Variants in PTP4A3 observed in about 807,000 individuals in gnomAD.
PTP4A3 encodes protein tyrosine phosphatase 4A3, also known as protein tyrosine phosphatase type IVA 3.
In PTP4A3, 9 loss-of-function variants were observed where a neutral mutation model predicts 15.2. That is an observed-to-expected ratio of 0.59 (90% CI 0.36 to 1.03). The LOEUF (loss-of-function observed/expected upper bound fraction) is 1.03. PTP4A3 is among the 50% of genes least tolerant of loss of function. The pLI, the probability that PTP4A3 is intolerant of heterozygous loss-of-function variation, is 0.02. For synonymous variants in PTP4A3, 95 were observed against 102.0 expected, an observed-to-expected ratio of 0.93 and a Z score of 0.41; for missense variants, 234 against 252.1, an observed-to-expected ratio of 0.93 and a Z score of 0.49.
intron 1 of PTP4A3, among the ~76,000 whole-genome samples, chr8:141,404,419 T>G (rs1178471086): frequency 6.6e-6 from 1 of 152,202 alleles, no homozygotes; most frequent in Non-Finnish European, 1.5e-5. Context: ...CCCCAGCAGC[T>G]GAGGGCCTCT....
chr8:141,427,125 T>G, intron 4 of PTP4A3, 56 bp downstream of exon 4: 1 of 1,571,948 alleles, frequency 6.4e-7, no homozygotes, highest in Non-Finnish European at 8.6e-7. Context: ...CATCTCGTGG[T>G]CTGACAGCCT....
At chr8:141,401,805 C>T (rs536858181) in intron 1 of PTP4A3, among the ~76,000 whole-genome samples, 3 of 152,280 alleles carry the variant, frequency 2.0e-5, no homozygotes, top group Non-Finnish European at 4.4e-5. Context: ...CACTGGAGCA[C>T]GTGGGCCGGA....
rs1452875785 is a variant in PTP4A3 at position 141,431,771 on chromosome 8, A to C, written c.*727A>C. On this transcript the variant is annotated 3_prime_UTR_variant, in exon 6 of 6. Transcript: ENST00000521578. ...CGTGTTGACGGTTCTTGGGACTGTGACATTGGAAGGCGAGGCAGGTCACCA... is the reference window on the plus strand; with the variant it reads ...CGTGTTGACGGTTCTTGGGACTGTGCCATTGGAAGGCGAGGCAGGTCACCA... 1 of 152,514 alleles carries C rather than the reference A, an allele frequency of 6.6e-6. No individual in the cohort carries two copies. Among genetic ancestry groups the C allele is most frequent in the African/African-American group, 2.4e-5 (1 of 41,470 alleles). The allele number at this position is 152,514 out of a possible 1,614,324, so 9.4% of individuals were successfully genotyped here.
intron 1 of PTP4A3, among the ~76,000 whole-genome samples, chr8:141,395,856 C>T (rs543941022): frequency 1.3e-4 from 20 of 152,224 alleles, no homozygotes; most frequent in Non-Finnish European, 2.8e-4. Flanking sequence ...CTCCTGGTGT[C>T]TTCCCCAGAT....
At chr8:141,428,686 C>G (rs1357164524) in intron 5 of PTP4A3, among the ~76,000 whole-genome samples, 1 of 152,162 alleles carries the variant, frequency 6.6e-6, no homozygotes, top group Non-Finnish European at 1.5e-5. Flanking sequence ...CCTGCAGGTG[C>G]TCAGGTCTCC....
chr8:141,418,225 A>C (rs140541597), intron 1 of PTP4A3, among the ~76,000 whole-genome samples: 9 of 152,218 alleles, frequency 5.9e-5, no homozygotes, highest in Non-Finnish European at 1.0e-4. Flanking sequence ...GGCGCAGCTT[A>C]CTTCTCCTGA....
rs1399540524 is a variant in PTP4A3 at position 141,425,356 on chromosome 8, G to A, written c.198+216G>A. On this transcript the variant is annotated intron_variant, in intron 3 of 5. Coordinates refer to ENST00000521578, the MANE Select transcript of PTP4A3 (RefSeq NM_032611.3). The surrounding 1 kb of genome is among the most constrained non-coding windows in gnomAD (Gnocchi z 4.2). ...GTCACCCTTGCGCACCCGTCTTTCT[G>A]TCTCTAGGGTGGGCCAGCACGGTTC... 1.3e-5 allele frequency among the ~76,000 whole-genome samples: 2 copies of A among 152,132 alleles called. No individual in the cohort carries two copies. Among genetic ancestry groups the A allele is most frequent in the African/African-American group, 4.8e-5 (2 of 41,426 alleles).
chr8:141,412,869 G>A (rs538455583), intron 1 of PTP4A3, among the ~76,000 whole-genome samples: 3 of 152,334 alleles, frequency 2.0e-5, no homozygotes, highest in Admixed American at 2.0e-4. Context: ...CAGCATGCAC[G>A]GGACGGTTTT....
rs1833561541 is a variant in PTP4A3 at position 141,425,997 on chromosome 8, C to A, written c.198+857C>A. ...AATGGGAGGCAAAGGCATGTCCCCG[C>A]TTCTCGCACGGGGTGCGCCCACACC... On this transcript the variant is annotated intron_variant, in intron 3 of 5. Coordinates refer to ENST00000521578, the MANE Select transcript of PTP4A3 (RefSeq NM_032611.3). This position sits in a 1 kb window ranked among gnomAD's most constrained non-coding sequence, Gnocchi z 4.2. Among the ~76,000 whole-genome samples the A allele has an allele frequency of 6.6e-6, 1 of 152,336 alleles. No individual in the cohort carries two copies. The highest frequency in any genetic ancestry group is 1.5e-5 in the Non-Finnish European group (1 of 68,014).
In PTP4A3 at chr8:141,431,099, T is replaced by C; in HGVS notation, c.*55T>C. ...TGTAGGTCAGGACCTTGGCTGGACC[T>C]GGAGGCCCTGCCCAGCCCTGCTCTG... On this transcript the variant is annotated 3_prime_UTR_variant, in exon 6 of 6. Coordinates refer to ENST00000521578, the MANE Select transcript of PTP4A3 (RefSeq NM_032611.3). 1 of 1,554,672 alleles carries C rather than the reference T, an allele frequency of 6.4e-7. No homozygotes were observed. The highest frequency in any genetic ancestry group is 8.9e-7 in the Non-Finnish European group (1 of 1,127,836).
chr8:141,393,470 C>T (rs1832352206), intron 1 of PTP4A3, among the ~76,000 whole-genome samples: 1 of 152,206 alleles, frequency 6.6e-6, no homozygotes, highest in Admixed American at 6.5e-5. Flanking sequence ...CTCAACACCC[C>T]CAACGTGTTC....
In PTP4A3 at chr8:141,405,837, C is replaced by T. The variant is rs1022567440; in HGVS notation, c.-854+13753C>T. Among the ~76,000 whole-genome samples, 17 of 151,770 alleles carry T rather than the reference C, an allele frequency of 1.1e-4. 1 individual carries two copies. The highest frequency in any genetic ancestry group is 7.2e-4 in the Admixed American group (11 of 15,246). On this transcript the variant is annotated intron_variant, in intron 1 of 5. Transcript: ENST00000521578. ...CCGAGTGGTAAGAAGGGGCCAGCAC[C>T]GGACGATGTGGGGACAGAGCATGCT...
intron 1 of PTP4A3, among the ~76,000 whole-genome samples, chr8:141,398,495 G>A (rs1347679048): frequency 6.6e-6 from 1 of 152,180 alleles, no homozygotes; most frequent in Non-Finnish European, 1.5e-5. Flanking sequence ...GAATGTTCTA[G>A]AGTGAGGTGG....
chr8:141,426,842 C>T, intron 3 of PTP4A3, 97 bp from the exon 4 acceptor site: 2 of 1,506,426 alleles, frequency 1.3e-6, no homozygotes, highest in South Asian at 1.3e-5. Context: ...CTCCTGGCAC[C>T]CTCTGCCTCT....
chr8:141,427,808 A>G lies in PTP4A3; in HGVS notation c.388A>G (p.Ile130Val), dbSNP rs1833653719. 1 of 1,550,558 alleles carries G rather than the reference A, an allele frequency of 6.4e-7. No homozygotes were observed. The highest frequency in any genetic ancestry group is 1.4e-5 in the African/African-American group (1 of 73,082). ...GAGCGGGATGAAGTACGAGGACGCC[A>G]TCCAGTTCATCCGCCAGTGAGTGGC... ...IESGMKYEDA[I>V]QFIRQKRRGA... Residue 130 changes from isoleucine to valine, a missense_variant, in exon 5 of 6, where the codon ATC becomes GTC. Coordinates refer to ENST00000521578, the MANE Select transcript of PTP4A3 (RefSeq NM_032611.3).
At chr8:141,419,110 G>T (rs1480103791) in intron 1 of PTP4A3, among the ~76,000 whole-genome samples, 2 of 152,154 alleles carry the variant, frequency 1.3e-5, no homozygotes, top group East Asian at 1.9e-4. Context: ...GATTCCGGCA[G>T]ATGTGTGGCA....
intron 1 of PTP4A3, among the ~76,000 whole-genome samples, chr8:141,415,438 C>A (rs1487295085): frequency 6.6e-6 from 1 of 151,006 alleles, no homozygotes; most frequent in Admixed American, 6.6e-5. Flanking sequence ...CCCAGGCCAG[C>A]GCTGGAGGGA....
At chr8:141,403,491 G>A (rs1011111061) in intron 1 of PTP4A3, among the ~76,000 whole-genome samples, 1 of 152,148 alleles carries the variant, frequency 6.6e-6, no homozygotes. Flanking sequence ...TGGAAGCTGC[G>A]GCTTTAAGCA....
chr8:141,426,916 C>T lies in PTP4A3; in HGVS notation c.199-23C>T, dbSNP rs377346105. The stretch of plus-strand genomic sequence containing the variant: ...CTCTACCCTCCCTCAGCCGGGGGTC[C>T]TCATGTCTGCTTCCCTCCGTAGGAC... On this transcript the variant is annotated intron_variant, in intron 3 of 5. Coordinates refer to ENST00000521578, the MANE Select transcript of PTP4A3 (RefSeq NM_032611.3). 19 of 1,608,586 alleles carry T rather than the reference C, an allele frequency of 1.2e-5. 2 individuals carry two copies. The Admixed American group carries it at 1.7e-4, about 14-fold the overall frequency.
Sources: gnomAD v4.1 joint callset for allele counts (sites outside exome capture counted in the v4.1 genomes callset) on GRCh38, gnomAD v4.1.1 for gene constraint, Gnocchi (gnomAD v3.1) non-coding constraint, MANE v1.5 for transcripts, NCBI Gene and HGNC (gene_info 2026-07-23, HGNC 2026-07-21) for gene names.